Variants in LRRK1 observed in about 807,000 individuals in gnomAD.
The protein encoded by LRRK1 is leucine rich repeat kinase 1.
Under a neutral mutation model 209.1 loss-of-function variants are expected in LRRK1, and 113 were observed. The observed-to-expected ratio is 0.54, with a 90% confidence interval of 0.46 to 0.63. The LOEUF (loss-of-function observed/expected upper bound fraction) is 0.63, where lower values mean the gene tolerates loss of function less well. Ranked by LOEUF, LRRK1 falls within the 30% of genes least tolerant of loss-of-function variation. The pLI is 0.00. For synonymous variants in LRRK1, 1,144 were observed against 1,099.7 expected, an observed-to-expected ratio of 1.04 and a Z score of -0.80; for missense variants, 2,284 against 2,632.2, an observed-to-expected ratio of 0.87 and a Z score of 2.89.
chr15:101,015,126 C>T (rs1036627182), intron 11 of LRRK1, among the ~76,000 whole-genome samples, 200 bp from the exon 12 acceptor site: 1 of 152,174 alleles, frequency 6.6e-6, no homozygotes, highest in African/African-American at 2.4e-5. Context: ...GTGGAACTTG[C>T]ACCCCAAGGA....
At chr15:100,969,589 C>T (rs137923500) in intron 2 of LRRK1, among the ~76,000 whole-genome samples, 16 of 152,168 alleles carry the variant, frequency 1.1e-4, no homozygotes, top group Admixed American at 2.0e-4. Flanking sequence ...CACAGATCAT[C>T]CCATCAGCCA....
chr15:101,052,835 T>C (rs2141135474), intron 24 of LRRK1, 87 bp from the exon 25 acceptor site: 1 of 1,460,192 alleles, frequency 6.8e-7, no homozygotes, highest in Non-Finnish European at 9.2e-7. Context: ...GAACCATGAC[T>C]CTCGGCCGTT....
rs888560119 is a variant in LRRK1, at chr15:101,070,521, C to G, written c.*1673C>G. On this transcript the variant is annotated 3_prime_UTR_variant, in exon 34 of 34. Coordinates refer to ENST00000388948, the MANE Select transcript of LRRK1 (RefSeq NM_024652.6). ...AGCCAGATTCCATCTGCCCCAGGCC[C>G]CAAGCTTTTGCTTTGGCATCACGCG... 2.0e-5 allele frequency: 3 copies of G among 151,974 alleles called. No homozygotes were observed. The highest frequency in any genetic ancestry group is 7.3e-5 in the African/African-American group (3 of 41,304). The allele number at this position is 151,974 out of a possible 1,614,324, so 9.4% of individuals were successfully genotyped here.
intron 1 of LRRK1, among the ~76,000 whole-genome samples, chr15:100,922,530 G>T (rs1177193168): frequency 6.6e-6 from 1 of 152,100 alleles, no homozygotes; most frequent in Non-Finnish European, 1.5e-5. Context: ...TTGAAATGCT[G>T]TTGGTTATGT....
intron 6 of LRRK1, among the ~76,000 whole-genome samples, chr15:101,002,433 T>C (rs892756694): frequency 6.6e-6 from 1 of 152,244 alleles, no homozygotes; most frequent in Non-Finnish European, 1.5e-5. Flanking sequence ...TTACTTGGAC[T>C]GAAATTTAAA....
In LRRK1 at chr15:101,051,863, A is replaced by G. The variant is rs1050305838; in HGVS notation, c.3592A>G (p.Ile1198Val). ...FDMEDCVLTA[I>V]ERDFISCPRH... ...CATGGAAGACTGTGTCCTGACGGCC[A>G]TCGAGCGGGACTTCATCTCCTGCCC... The change falls in exon 24 of 34, where the codon ATC (isoleucine) becomes GTC (valine). Residue 1198 changes from isoleucine (I) to valine (V), a missense_variant. Transcript: ENST00000388948. The G allele has an allele frequency of 1.2e-5, 19 of 1,613,994 alleles. No individual in the cohort carries two copies. Among genetic ancestry groups the G allele is most frequent in the Non-Finnish European group, 1.5e-5 (18 of 1,180,032 alleles).
intron 3 of LRRK1, 118 bp from the exon 4 acceptor site, chr15:100,983,410 C>T (rs938059379): frequency 7.4e-5 from 66 of 892,548 alleles, no homozygotes; most frequent in Non-Finnish European, 1.0e-4. Flanking sequence ...CAGGTGCTGC[C>T]GTTCTGGACA....
intron 2 of LRRK1, among the ~76,000 whole-genome samples, chr15:100,927,617 T>C (rs10794481): frequency 0.33 from 50,350 of 152,094 alleles, 10,210 homozygotes; most frequent in African/African-American, 0.57. Flanking sequence ...AGTGACCTAA[T>C]ACAGAGAACA....
intron 26 of LRRK1, 127 bp from the exon 27 acceptor site, chr15:101,054,819 G>C (rs1198662959): frequency 1.1e-6 from 1 of 899,594 alleles, no homozygotes; most frequent in Non-Finnish European, 1.7e-6. Context: ...CTCAATAAAA[G>C]AAAAAAGAAA....
At chr15:101,034,000 C>T (rs1369214591) in intron 20 of LRRK1, among the ~76,000 whole-genome samples, 1 of 152,166 alleles carries the variant, frequency 6.6e-6, no homozygotes. Context: ...TTTTGATTTG[C>T]ATTTCCCTGA....
intron 2 of LRRK1, among the ~76,000 whole-genome samples, chr15:100,947,956 G>T (rs771067520): frequency 6.6e-6 from 1 of 152,206 alleles, no homozygotes; most frequent in African/African-American, 2.4e-5. Context: ...ACTCCAGCCT[G>T]GAATCTTAAA....
chr15:100,934,659 G>A (rs950166157), intron 2 of LRRK1, among the ~76,000 whole-genome samples: 6 of 148,272 alleles, frequency 4.0e-5, no homozygotes, highest in South Asian at 2.1e-4. Flanking sequence ...AAAATTAGCC[G>A]GTCGTGGAGG....
chr15:101,037,170 T>G (rs1203526964), intron 20 of LRRK1, among the ~76,000 whole-genome samples: 1 of 152,014 alleles, frequency 6.6e-6, no homozygotes, highest in Non-Finnish European at 1.5e-5. Context: ...TGGCATGGTG[T>G]GGGTAATGGC....
intron 17 of LRRK1, among the ~76,000 whole-genome samples, 199 bp downstream of exon 17, chr15:101,026,336 G>T (rs760072098): frequency 6.6e-6 from 1 of 152,190 alleles, no homozygotes; most frequent in African/African-American, 2.4e-5. Context: ...AGGCCTGGAG[G>T]TGCCCCTCTT....
At position 101,073,965 on chromosome 15, in the gene LRRK1, A is replaced by G. The variant is rs1445972188; in HGVS notation, c.*5117A>G. ...CAGTAGTTCCAAATAGCCGGAAAAC[A>G]GCACTTTCAATTTTTCCATCCTGCA... On this transcript the variant is annotated 3_prime_UTR_variant, in exon 34 of 34. Coordinates refer to ENST00000388948, the MANE Select transcript of LRRK1 (RefSeq NM_024652.6). 3 of 152,148 alleles carry G rather than the reference A, an allele frequency of 2.0e-5. No individual in the cohort carries two copies. Among genetic ancestry groups the G allele is most frequent in the South Asian group, 2.1e-4 (1 of 4,834 alleles). 9.4% of individuals were successfully genotyped at this position (152,148 alleles called of 1,614,324 possible).
At chr15:101,054,689 C>T (rs924309941) in intron 26 of LRRK1, among the ~76,000 whole-genome samples, 1 of 152,152 alleles carries the variant, frequency 6.6e-6, no homozygotes, top group African/African-American at 2.4e-5. Flanking sequence ...CGCCTATAGT[C>T]CTAGCTACTC....
Position 101,043,775 on chromosome 15 carries a change from C to A in LRRK1, c.2964-2206C>A, listed in dbSNP as rs1167480128. 19 of 152,144 alleles carry A rather than the reference C, an allele frequency of 1.2e-4. 1 individual carries two copies. Among genetic ancestry groups the A allele is most frequent in the Admixed American group, 1.2e-3 (19 of 15,262 alleles). 9.4% of individuals were successfully genotyped at this position (152,144 alleles called of 1,614,324 possible). A position where few individuals can be genotyped will look rare whatever the true frequency, so the allele number is the denominator to read the frequency against. On this transcript the variant is annotated intron_variant, in intron 20 of 33. Transcript: ENST00000388948. The stretch of plus-strand genomic sequence containing the variant: ...CTGCATAATGGGTATAATATAATTA[C>A]CATAAGTATGATAGTTGTTGTGAGG...
At chr15:101,057,895 C>A in intron 28 of LRRK1, 95 bp from the exon 29 acceptor site, 1 of 1,346,266 alleles carries the variant, frequency 7.4e-7, no homozygotes, top group Non-Finnish European at 1.0e-6. Flanking sequence ...ATCCCTCATT[C>A]CTCCCTGGTT....
At chr15:101,010,293 A>G (rs1482480918) in intron 7 of LRRK1, among the ~76,000 whole-genome samples, 157 bp from the exon 8 acceptor site, 1 of 152,282 alleles carries the variant, frequency 6.6e-6, no homozygotes, top group East Asian at 1.9e-4. Context: ...CTTCAAAAGA[A>G]TTAAAAATCA....
Sources: gnomAD v4.1 joint callset for allele counts (sites outside exome capture counted in the v4.1 genomes callset) on GRCh38, gnomAD v4.1.1 for gene constraint, MANE v1.5 for transcripts, NCBI Gene and HGNC (gene_info 2026-07-23, HGNC 2026-07-21) for gene names.